Variants in ZDHHC3 observed in about 807,000 individuals in gnomAD.
ZDHHC3 encodes palmitoyltransferase ZDHHC3.
A neutral mutation model predicts 30.6 loss-of-function variants in ZDHHC3; 9 were observed. The ratio of observed to expected loss-of-function variants is 0.29; its 90% confidence interval spans 0.18 to 0.51. ZDHHC3 has a LOEUF of 0.51. ZDHHC3 is among the 20% of genes least tolerant of loss of function. The probability of loss-of-function intolerance (pLI) is 0.97; values close to 1 mark genes in which losing one functional copy is unlikely to be tolerated. For missense variants in ZDHHC3, 246 were observed against 384.2 expected (o/e 0.64, Z 3.01); for synonymous variants, 136 against 140.2 (o/e 0.97, Z 0.21).
In ZDHHC3 at chr3:44,925,051, T is replaced by C; in HGVS notation, c.*1638A>G. On this transcript the variant is annotated 3_prime_UTR_variant, in exon 7 of 7. Transcript: ENST00000424952. ...GCATTTTAAAACAAAAAAAATAAAG[T>C]ATCCTCATTCAAGAGACAGAGCAAT... is the stretch of plus-strand genomic sequence containing the variant. 1 of 985,664 alleles carries C rather than the reference T, an allele frequency of 1.0e-6. No individual in the cohort carries two copies. The highest frequency in any genetic ancestry group is 1.2e-6 in the Non-Finnish European group (1 of 829,906). 61.1% of individuals were successfully genotyped at this position (985,664 alleles called of 1,614,324 possible).
In ZDHHC3 at chr3:44,959,804, T is replaced by A. The variant is rs769798511; in HGVS notation, c.-24-344A>T. ...TGGGGTCTCACTCTGTCATTCAGGC[T>A]GGAGTGCAGTGGCACCGTCTTAGGT... On this transcript the variant is annotated intron_variant, in intron 1 of 6. Coordinates refer to ENST00000424952, the MANE Select transcript of ZDHHC3 (RefSeq NM_001135179.2). This position sits in a 1 kb window ranked among gnomAD's most constrained non-coding sequence, Gnocchi z 4.3. 1.3e-5 allele frequency among the ~76,000 whole-genome samples: 2 copies of A among 152,238 alleles called. No individual in the cohort carries two copies. Among genetic ancestry groups the A allele is most frequent in the East Asian group, 3.8e-4 (2 of 5,196 alleles).
chr3:44,946,963 A>C (rs985230960), intron 2 of ZDHHC3, among the ~76,000 whole-genome samples: 1 of 152,162 alleles, frequency 6.6e-6, no homozygotes, highest in Admixed American at 6.5e-5. Flanking sequence ...ATCATATAAG[A>C]AGAGGGAGAG....
At chr3:44,966,082 A>T (rs1704928084) in intron 1 of ZDHHC3, among the ~76,000 whole-genome samples, 1 of 152,208 alleles carries the variant, frequency 6.6e-6, no homozygotes, top group Non-Finnish European at 1.5e-5. Context: ...AATCAGGTGC[A>T]ATGATCTCCC....
At chr3:44,931,562 A>G (rs1368847512) in intron 5 of ZDHHC3, among the ~76,000 whole-genome samples, 1 of 152,202 alleles carries the variant, frequency 6.6e-6, no homozygotes, top group Admixed American at 6.5e-5. Context: ...AGGGCTGAGC[A>G]GTGAGGGCAG....
chr3:44,967,395 G>A (rs1705045653), intron 1 of ZDHHC3, among the ~76,000 whole-genome samples: 1 of 152,174 alleles, frequency 6.6e-6, no homozygotes, highest in Admixed American at 6.5e-5. Context: ...AAAAAAATAT[G>A]CACCCGAACC....
At chr3:44,931,484 T>C (rs1217981987) in intron 5 of ZDHHC3, among the ~76,000 whole-genome samples, 1 of 152,200 alleles carries the variant, frequency 6.6e-6, no homozygotes, top group Non-Finnish European at 1.5e-5. Flanking sequence ...CAACTCAAAG[T>C]GCCCTAATCC....
rs998686167 is a variant in ZDHHC3, at chr3:44,922,685, T to C, written c.*4004A>G. On this transcript the variant is annotated 3_prime_UTR_variant, in exon 7 of 7. Transcript: ENST00000424952. The stretch of plus-strand genomic sequence containing the variant: ...GCCCCAACTGGATTCTCAAACTTGA[T>C]AGTCAGAATCACCTGGAGGGCTGTT... The C allele has an allele frequency of 2.0e-6, 2 of 985,188 alleles. No individual in the cohort carries two copies. The highest frequency in any genetic ancestry group is 2.4e-6 in the Non-Finnish European group (2 of 829,918). The allele number at this position is 985,188 out of a possible 1,614,324, so 61.0% of individuals were successfully genotyped here.
chr3:44,938,729 A>G (rs1363148123), intron 3 of ZDHHC3, among the ~76,000 whole-genome samples: 1 of 152,186 alleles, frequency 6.6e-6, no homozygotes, highest in Admixed American at 6.5e-5. Flanking sequence ...CTTGCTGACC[A>G]GCTGGAAGGA....
intron 1 of ZDHHC3, among the ~76,000 whole-genome samples, 149 bp downstream of exon 1, chr3:44,975,770 TCTCACACACACACA>T (rs1202615041): frequency 2.7e-5 from 3 of 111,492 alleles, no homozygotes; most frequent in Admixed American, 2.6e-4. Context: ...TCTCTCTCTC[TCTCACACACACACA>T]CACACACACA....
intron 5 of ZDHHC3, among the ~76,000 whole-genome samples, chr3:44,932,407 C>T (rs974422299): frequency 1.3e-5 from 2 of 152,170 alleles, no homozygotes; most frequent in Admixed American, 1.3e-4. Flanking sequence ...GAGGGAAAAG[C>T]TTAGGAAATA....
At position 44,959,487 on chromosome 3, in the gene ZDHHC3, A is replaced by G; in HGVS notation, c.-24-27T>C. On this transcript the variant is annotated intron_variant, in intron 1 of 6. Coordinates refer to ENST00000424952, the MANE Select transcript of ZDHHC3 (RefSeq NM_001135179.2). This position sits in a 1 kb window ranked among gnomAD's most constrained non-coding sequence, Gnocchi z 4.3. The stretch of plus-strand genomic sequence containing the variant: ...TGAAAGAGAGAGGAAAGAATCCAGA[A>G]ACTTGGTGTTGTCTTGTCATCAAGG... The G allele has an allele frequency of 6.4e-7, 1 of 1,573,996 alleles. No individual in the cohort carries two copies.
intron 1 of ZDHHC3, among the ~76,000 whole-genome samples, chr3:44,960,447 AAGCACTCTTTCTCTCTAGAAGCTGC>A (rs1704377074): frequency 6.6e-6 from 1 of 152,228 alleles, no homozygotes; most frequent in South Asian, 2.1e-4. Flanking sequence ...GTGCTGAGCA[AAGCACTCTTTCTCTCTAGAAGCTGC>A]AATTCAAGTC....
rs184315029 is a variant in ZDHHC3 at position 44,954,540 on chromosome 3, G to C, written c.306+4591C>G. ...ATGATGTTTGCACAATGGTCAAATT[G>C]CCTAACAACACATTTCTCAGAACTT... On this transcript the variant is annotated intron_variant, in intron 2 of 6. Coordinates refer to ENST00000424952, the MANE Select transcript of ZDHHC3 (RefSeq NM_001135179.2). 2.2e-4 allele frequency among the ~76,000 whole-genome samples: 34 copies of C among 152,218 alleles called. 1 individual carries two copies. The highest frequency in any genetic ancestry group is 1.2e-3 in the Admixed American group (18 of 15,290).
chr3:44,974,336 A>T (rs1332298309), intron 1 of ZDHHC3, among the ~76,000 whole-genome samples: 5 of 152,200 alleles, frequency 3.3e-5, no homozygotes, highest in Non-Finnish European at 5.9e-5. Flanking sequence ...ACTCCATGGT[A>T]TCTGAACTCA....
At chr3:44,967,030 G>A (rs938426061) in intron 1 of ZDHHC3, among the ~76,000 whole-genome samples, 3 of 152,154 alleles carry the variant, frequency 2.0e-5, no homozygotes, top group African/African-American at 7.2e-5. Context: ...CTCTATAGCA[G>A]GGGCTGTCTC....
chr3:44,922,255 T>C lies in ZDHHC3; in HGVS notation c.*4434A>G, dbSNP rs1007309602. On this transcript the variant is annotated 3_prime_UTR_variant, in exon 7 of 7. Transcript: ENST00000424952. ...CAAAGGTCAAGACGTGTTCAGGTCA[T>C]GTATCCAGGCTGCTACAATGCCCCT... 6 of 985,478 alleles carry C rather than the reference T, an allele frequency of 6.1e-6. No homozygotes were observed. Among genetic ancestry groups the C allele is most frequent in the East Asian group, 1.1e-4 (1 of 8,820 alleles). The allele number at this position is 985,478 out of a possible 1,614,324, so 61.0% of individuals were successfully genotyped here.
Position 44,922,439 on chromosome 3 carries a change from T to C in ZDHHC3, c.*4250A>G, listed in dbSNP as rs1700659212. On this transcript the variant is annotated 3_prime_UTR_variant, in exon 7 of 7. Coordinates refer to ENST00000424952, the MANE Select transcript of ZDHHC3 (RefSeq NM_001135179.2). ...CAAGGAGTGGTGGGCAGGCTAATAA[T>C]TTGGATCTGCTTCATACAGACTTTC... 4 of 985,418 alleles carry C rather than the reference T, an allele frequency of 4.1e-6. No individual in the cohort carries two copies. The highest frequency in any genetic ancestry group is 4.8e-6 in the Non-Finnish European group (4 of 829,928). The allele number at this position is 985,418 out of a possible 1,614,324, so 61.0% of individuals were successfully genotyped here.
At chr3:44,934,036 G>A (rs1482283382) in intron 3 of ZDHHC3, 52 bp from the exon 4 acceptor site, 3 of 1,564,010 alleles carry the variant, frequency 1.9e-6, no homozygotes, top group Admixed American at 1.7e-5. Context: ...GTGTTGGGAG[G>A]GCCCCGGGGG....
chr3:44,919,781 A>G lies in ZDHHC3; in HGVS notation c.*6908T>C. On this transcript the variant is annotated 3_prime_UTR_variant, in exon 7 of 7. Coordinates refer to ENST00000424952, the MANE Select transcript of ZDHHC3 (RefSeq NM_001135179.2). Reference sequence around the variant, plus strand: ...TGTTTACCTTTGGTGAGACTGACTGAAAGGTACATGGGAACTCTTTGTACT... The same window carrying G: ...TGTTTACCTTTGGTGAGACTGACTGGAAGGTACATGGGAACTCTTTGTACT... The G allele has an allele frequency of 1.4e-6, 1 of 717,140 alleles. No individual in the cohort carries two copies. Among genetic ancestry groups the G allele is most frequent in the Non-Finnish European group, 1.7e-6 (1 of 585,274 alleles). 44.4% of individuals were successfully genotyped at this position (717,140 alleles called of 1,614,324 possible). A position where few individuals can be genotyped will look rare whatever the true frequency, so the allele number is the denominator to read the frequency against.
Sources: allele counts gnomAD v4.1 joint callset (sites outside exome capture counted in the v4.1 genomes callset), GRCh38; gene constraint gnomAD v4.1.1; non-coding constraint Gnocchi (gnomAD v3.1); transcripts MANE v1.5; gene names NCBI Gene and HGNC (gene_info 2026-07-23, HGNC 2026-07-21).